Variants in MET observed in about 807,000 individuals in gnomAD.
MET encodes the protein MET proto-oncogene, receptor tyrosine kinase.
MET carries 48 observed loss-of-function variants against 133.1 expected under a neutral mutation model. That is an observed-to-expected ratio of 0.36 (90% CI 0.29 to 0.46). MET has a LOEUF of 0.46. MET is among the 20% of genes least tolerant of loss of function. MET has a pLI of 1.00. For missense variants in MET, 1,442 were observed against 1,695.9 expected (o/e 0.85, Z 2.63); for synonymous variants, 628 against 616.5 (o/e 1.02, Z -0.28).
intron 11 of MET, 36 bp downstream of exon 11, chr7:116,763,304 G>T: frequency 6.4e-7 from 1 of 1,572,250 alleles, no homozygotes. Flanking sequence ...TAAATCATCA[G>T]CTCAAACTTA....
intron 15 of MET, among the ~76,000 whole-genome samples, chr7:116,776,402 G>A (rs1194286952): frequency 2.0e-5 from 3 of 152,146 alleles, no homozygotes; most frequent in African/African-American, 7.2e-5. Flanking sequence ...ATCAATTTTA[G>A]AGTGTGTGGA....
At chr7:116,674,057 G>A (rs190002377) in intron 1 of MET, among the ~76,000 whole-genome samples, 197 of 152,304 alleles carry the variant, frequency 1.3e-3, no homozygotes, top group African/African-American at 4.5e-3. Context: ...ACTTAATGGT[G>A]TATAAGCTAT....
At chr7:116,693,243 C>T (rs1326506815) in intron 1 of MET, among the ~76,000 whole-genome samples, 1 of 152,108 alleles carries the variant, frequency 6.6e-6, no homozygotes, top group Non-Finnish European at 1.5e-5. Context: ...TTAGTTCCAC[C>T]CAGGAGTATG....
At chr7:116,768,470 G>A (rs1794711012) in intron 11 of MET, among the ~76,000 whole-genome samples, 1 of 152,058 alleles carries the variant, frequency 6.6e-6, no homozygotes, top group South Asian at 2.1e-4. Context: ...CTGGTTCAAT[G>A]GACTACACAT....
At chr7:116,713,806 A>G (rs1792091648) in intron 2 of MET, among the ~76,000 whole-genome samples, 2 of 152,304 alleles carry the variant, frequency 1.3e-5, no homozygotes, top group South Asian at 4.1e-4. Flanking sequence ...TGTTTCATCC[A>G]TCGTTCATCT....
chr7:116,732,883 G>T (rs2116790927), intron 3 of MET, among the ~76,000 whole-genome samples: 1 of 152,160 alleles, frequency 6.6e-6, no homozygotes, highest in East Asian at 1.9e-4. Flanking sequence ...TTGTACTAAA[G>T]GGCATGGTGG....
rs1796000312 is a variant in MET at position 116,672,290 on chromosome 7, G to A, written c.-302G>A. ...GCCCGGGCCGCCGCGGGCCGCGCGC[G>A]CCGATGCCCGGCTGAGTCACTGGCA... On this transcript the variant is annotated 5_prime_UTR_variant, in exon 1 of 21. Coordinates refer to ENST00000397752, the MANE Select transcript of MET (RefSeq NM_000245.4). The A allele has an allele frequency of 5.3e-6, 1 of 187,970 alleles. No homozygotes were observed. Among genetic ancestry groups the A allele is most frequent in the Admixed American group, 6.1e-5 (1 of 16,424 alleles). 11.6% of individuals were successfully genotyped at this position (187,970 alleles called of 1,614,324 possible).
chr7:116,706,947 C>G (rs1236822695), intron 2 of MET, among the ~76,000 whole-genome samples: 1 of 148,260 alleles, frequency 6.7e-6, no homozygotes, highest in Admixed American at 6.8e-5. Context: ...ATCCTGGATA[C>G]ATTCCAGTCT....
chr7:116,691,689 A>G (rs1347997990), intron 1 of MET, among the ~76,000 whole-genome samples: 1 of 152,130 alleles, frequency 6.6e-6, no homozygotes, highest in African/African-American at 2.4e-5. Flanking sequence ...CTTTCTCCAC[A>G]TAGTGGCAAA....
At chr7:116,698,688 T>A (rs981038325) in intron 1 of MET, among the ~76,000 whole-genome samples, 1 of 152,196 alleles carries the variant, frequency 6.6e-6, no homozygotes, top group African/African-American at 2.4e-5. Flanking sequence ...AGTTTAAATA[T>A]CAACCTAGTC....
intron 5 of MET, among the ~76,000 whole-genome samples, chr7:116,753,558 A>G (rs1424370270): frequency 6.6e-6 from 1 of 152,222 alleles, no homozygotes; most frequent in Non-Finnish European, 1.5e-5. Context: ...TGAGTCTGCA[A>G]TAACAAAATG....
intron 2 of MET, among the ~76,000 whole-genome samples, chr7:116,703,861 G>T (rs1172996895): frequency 6.6e-6 from 1 of 152,112 alleles, no homozygotes; most frequent in Non-Finnish European, 1.5e-5. Flanking sequence ...TTTAATCAAA[G>T]TTGAAATTAG....
intron 12 of MET, among the ~76,000 whole-genome samples, chr7:116,770,927 T>C (rs1375431225): frequency 6.6e-6 from 1 of 152,080 alleles, no homozygotes; most frequent in Non-Finnish European, 1.5e-5. Context: ...GAGATCAGAG[T>C]TGGAATTTCA....
intron 11 of MET, among the ~76,000 whole-genome samples, chr7:116,766,721 A>T (rs1356427557): frequency 6.6e-6 from 1 of 152,178 alleles, no homozygotes; most frequent in East Asian, 1.9e-4. Context: ...GCCCAGGTTA[A>T]TGGGCATTCT....
chr7:116,739,239 G>C (rs549631830), intron 3 of MET, among the ~76,000 whole-genome samples: 52 of 152,270 alleles, frequency 3.4e-4, no homozygotes, highest in African/African-American at 1.2e-3. Flanking sequence ...AGATAGCTGG[G>C]AAACATCCCA....
chr7:116,732,381 C>CA (rs1207954497), intron 3 of MET, among the ~76,000 whole-genome samples: 5 of 151,702 alleles, frequency 3.3e-5, no homozygotes, highest in East Asian at 3.9e-4. Flanking sequence ...AGTTCAGATA[C>CA]AAAAAAAATC....
intron 2 of MET, among the ~76,000 whole-genome samples, chr7:116,704,124 A>G (rs1452286279): frequency 6.6e-6 from 1 of 152,150 alleles, no homozygotes; most frequent in Non-Finnish European, 1.5e-5. Context: ...GACTTCTGCC[A>G]CATTACCTGA....
chr7:116,715,916 A>T (rs1165776302), intron 2 of MET, among the ~76,000 whole-genome samples: 1 of 152,186 alleles, frequency 6.6e-6, no homozygotes, highest in Non-Finnish European at 1.5e-5. Flanking sequence ...ATCAGATTGT[A>T]GGAGGCCATG....
intron 12 of MET, 185 bp downstream of exon 12, chr7:116,769,976 C>G: frequency 2.4e-6 from 2 of 825,204 alleles, no homozygotes; most frequent in South Asian, 1.6e-5. Flanking sequence ...CTTCCCCAAG[C>G]CTGGGAGGTA....
Sources: gnomAD v4.1 joint callset for allele counts (sites outside exome capture counted in the v4.1 genomes callset) on GRCh38, gnomAD v4.1.1 for gene constraint, MANE v1.5 for transcripts, NCBI Gene and HGNC (gene_info 2026-07-23, HGNC 2026-07-21) for gene names.